Variants in KANSL1 observed in about 807,000 individuals in gnomAD.
KANSL1 encodes the protein KAT8 regulatory NSL complex subunit 1, also known as MLL1/MLL complex subunit KANSL1.
KANSL1 carries 22 observed loss-of-function variants against 103.6 expected under a neutral mutation model. The ratio of observed to expected loss-of-function variants is 0.21; its 90% confidence interval spans 0.15 to 0.30. The LOEUF is 0.30. KANSL1 is among the 10% of genes least tolerant of loss of function. KANSL1 has a pLI of 1.00. For missense variants in KANSL1, 1,337 were observed against 1,399.8 expected (o/e 0.96, Z 0.72); for synonymous variants, 600 against 527.6 (o/e 1.14, Z -1.88).
At chr17:46,175,575 C>T (rs1219152745) in intron 1 of KANSL1, among the ~76,000 whole-genome samples, 7 of 152,150 alleles carry the variant, frequency 4.6e-5, no homozygotes, top group Non-Finnish European at 8.8e-5. Context: ...GTCTCAAACT[C>T]CTGACCTCAG....
intron 4 of KANSL1, among the ~76,000 whole-genome samples, chr17:46,070,888 TTA>T (rs2078551730): frequency 6.6e-6 from 1 of 152,170 alleles, no homozygotes; most frequent in East Asian, 1.9e-4. Context: ...CTGGTAGGGA[TTA>T]TGAGATTTAA....
At chr17:46,208,035 T>G (rs2048030434) in intron 1 of KANSL1, among the ~76,000 whole-genome samples, 1 of 151,056 alleles carries the variant, frequency 6.6e-6, no homozygotes, top group African/African-American at 2.4e-5. Context: ...CACTTGAACC[T>G]AGGAGGCGGA....
rs1353352998 is a variant in KANSL1 at position 46,217,728 on chromosome 17, A to G, written c.-90+5943T>C. 9.2e-5 allele frequency among the ~76,000 whole-genome samples: 14 copies of G among 152,328 alleles called. No individual in the cohort carries two copies. The South Asian group carries it at 2.9e-3, about 32-fold the overall frequency. ...ACAAGGTGCAGCCCTGTCTCTACAA[A>G]AAATACAAAATTTAGGCTGGGTGCT... On this transcript the variant is annotated intron_variant, in intron 1 of 14. Coordinates refer to the KANSL1 transcript ENST00000572904.
intron 6 of KANSL1, among the ~76,000 whole-genome samples, chr17:46,057,780 A>G (rs1182870973): frequency 6.6e-6 from 1 of 152,260 alleles, no homozygotes; most frequent in Admixed American, 6.5e-5. Context: ...GAGTAGCTAC[A>G]TAGGTGTTCA....
chr17:46,031,569 C>T lies in KANSL1; in HGVS notation c.3225G>A (p.Glu1075=), dbSNP rs770409760. The stretch of plus-strand genomic sequence containing the variant: ...GAGGCGAGGTGGGCGCTGCCTCTGT[C>T]TCCCGGCCAGTCTTGCTGCCTGAGG... The part of the protein sequence containing the change: ...RRTSGSKTGR[E]TEAAPTSPPI... Residue 1075 remains glutamate, a synonymous_variant, in exon 15 of 15, where the codon GAG becomes GAA. Transcript: ENST00000432791. 1.2e-6 allele frequency: 2 copies of T among 1,614,038 alleles called. No individual in the cohort carries two copies. Among genetic ancestry groups the T allele is most frequent in the African/African-American group, 2.7e-5 (2 of 74,944 alleles).
intron 2 of KANSL1, among the ~76,000 whole-genome samples, chr17:46,106,671 G>A (rs1437841245): frequency 1.3e-5 from 2 of 152,204 alleles, no homozygotes; most frequent in African/African-American, 4.8e-5. Flanking sequence ...GGGAATACAG[G>A]TGTGAGCCAA....
intron 2 of KANSL1, among the ~76,000 whole-genome samples, chr17:46,098,518 GATAA>G (rs1453556974): frequency 6.6e-6 from 1 of 152,204 alleles, no homozygotes; most frequent in Non-Finnish European, 1.5e-5. Context: ...CAAGAACTTT[GATAA>G]ATACACTTTT....
chr17:46,117,473 G>C (rs1567694673), intron 2 of KANSL1, among the ~76,000 whole-genome samples: 4 of 152,320 alleles, frequency 2.6e-5, no homozygotes, highest in African/African-American at 9.6e-5. Context: ...TATGTATGCA[G>C]TAAGCATTCA....
chr17:46,104,599 AAT>A (rs2042452118), intron 2 of KANSL1, among the ~76,000 whole-genome samples: 1 of 152,248 alleles, frequency 6.6e-6, no homozygotes, highest in Non-Finnish European at 1.5e-5. Flanking sequence ...ATTTGCAAAA[AAT>A]ATAAACAATA....
intron 6 of KANSL1, among the ~76,000 whole-genome samples, chr17:46,062,842 G>C (rs1323497944): frequency 1.3e-5 from 2 of 151,870 alleles, no homozygotes; most frequent in Non-Finnish European, 2.9e-5. Flanking sequence ...TTGAGGTCAG[G>C]AGTTCGAGAC....
intron 2 of KANSL1, among the ~76,000 whole-genome samples, chr17:46,103,895 G>A (rs1029837666): frequency 2.6e-5 from 4 of 152,180 alleles, no homozygotes; most frequent in African/African-American, 9.7e-5. Flanking sequence ...AGGCGTGGTG[G>A]CCTGGGCCTG....
chr17:46,039,097 T>C lies in KANSL1; in HGVS notation c.2322A>G (p.Pro774=), dbSNP rs765777662. 1.1e-5 allele frequency: 18 copies of C among 1,612,472 alleles called. No homozygotes were observed. In the Admixed American group the frequency reaches 2.2e-4, roughly 20 times the overall value. The change falls in exon 9 of 15, where the codon CCA becomes CCG. Residue 774 remains proline, a synonymous_variant. Transcript: ENST00000432791. The part of the protein sequence containing the change: ...TAPKAERLLN[P]PPPVHDPNHS... Reference sequence around the variant, plus strand: ...GGTTTGGGTCATGCACGGGTGGTGGTGGGTTGAGCAAGCGCTCTGCTTTTG... The same window carrying C: ...GGTTTGGGTCATGCACGGGTGGTGGCGGGTTGAGCAAGCGCTCTGCTTTTG...
At chr17:46,100,239 A>C (rs1181548496) in intron 2 of KANSL1, among the ~76,000 whole-genome samples, 1 of 152,070 alleles carries the variant, frequency 6.6e-6, no homozygotes, top group East Asian at 1.9e-4. Context: ...AAGACTTCTC[A>C]TTGGTGAAAT....
chr17:46,191,180 A>G (rs1211404657), intron 1 of KANSL1, among the ~76,000 whole-genome samples: 1 of 152,270 alleles, frequency 6.6e-6, no homozygotes, highest in South Asian at 2.1e-4. Flanking sequence ...AAAGAAACAG[A>G]TAAAGGAATA....
At chr17:46,046,856 A>AAAG (rs1189838326) in intron 7 of KANSL1, among the ~76,000 whole-genome samples, 8 of 151,844 alleles carry the variant, frequency 5.3e-5, no homozygotes, top group Admixed American at 5.2e-4. Context: ...AAAAAAAAAA[A>AAAG]AAAGAATTTT....
intron 2 of KANSL1, among the ~76,000 whole-genome samples, chr17:46,170,094 A>G (rs903951138): frequency 1.3e-5 from 2 of 152,230 alleles, no homozygotes; most frequent in Non-Finnish European, 2.9e-5. Flanking sequence ...GTGAGCTGAG[A>G]TCGCACTACT....
At chr17:46,218,497 A>G (rs1278940987) in intron 1 of KANSL1, among the ~76,000 whole-genome samples, 4 of 152,202 alleles carry the variant, frequency 2.6e-5, no homozygotes, top group Admixed American at 1.3e-4. Context: ...AGTAATTACA[A>G]TAAGAGCTGG....
rs370871273 is a variant in KANSL1, at chr17:46,147,932, G to C, written c.1289+22923C>G. Among the ~76,000 whole-genome samples, 5 of 152,340 alleles carry C rather than the reference G, an allele frequency of 3.3e-5. No homozygotes were observed. In the East Asian group the frequency reaches 5.8e-4, roughly 18 times the overall value. On this transcript the variant is annotated intron_variant, in intron 2 of 14. Transcript: ENST00000432791. ...TATAAAATTTAAAGATGTGTATTTA[G>C]GGTAGAAATAACCTTGACCTTGGTA...
intron 1 of KANSL1, among the ~76,000 whole-genome samples, chr17:46,178,241 C>A (rs529018047): frequency 4.0e-5 from 6 of 151,664 alleles, no homozygotes; most frequent in South Asian, 4.1e-4. Flanking sequence ...GAAAAAAAAA[C>A]GAAAAACAAA....
Sources: allele counts gnomAD v4.1 joint callset (sites outside exome capture counted in the v4.1 genomes callset), GRCh38; gene constraint gnomAD v4.1.1; transcripts MANE v1.5; gene names NCBI Gene and HGNC (gene_info 2026-07-23, HGNC 2026-07-21).